The following PDGFRL variants were observed in gnomAD, a reference collection of about 807,000 sequenced individuals.
PDGFRL encodes the protein platelet-derived growth factor receptor-like protein.
Under a neutral mutation model 37.2 loss-of-function variants are expected in PDGFRL, and 46 were observed. The ratio of observed to expected loss-of-function variants is 1.24; its 90% confidence interval spans 0.98 to 1.58. The LOEUF (loss-of-function observed/expected upper bound fraction) is 1.58. Ranked by LOEUF, PDGFRL falls within the 40% of genes most tolerant of loss-of-function variation. The pLI is 0.00. For missense variants in PDGFRL, 692 were observed against 467.6 expected (o/e 1.48, Z -4.43); for synonymous variants, 251 against 184.3 (o/e 1.36, Z -2.93).
At chr8:17,627,900 A>G (rs1323068566) in intron 3 of PDGFRL, among the ~76,000 whole-genome samples, 2 of 151,688 alleles carry the variant, frequency 1.3e-5, no homozygotes, top group East Asian at 1.9e-4. Context: ...GTTAAATCTT[A>G]ATTTAAATCT....
chr8:17,582,780 A>G (rs1803734776), intron 1 of PDGFRL, among the ~76,000 whole-genome samples: 1 of 152,118 alleles, frequency 6.6e-6, no homozygotes, highest in African/African-American at 2.4e-5. Context: ...GAATCATGCT[A>G]GTAGCTAAGA....
chr8:17,629,210 G>A (rs1390829470), intron 4 of PDGFRL, among the ~76,000 whole-genome samples: 1 of 150,924 alleles, frequency 6.6e-6, no homozygotes, highest in Non-Finnish European at 1.5e-5. Context: ...GATTACAAGT[G>A]TGAGCCACCA....
At chr8:17,602,782 A>C (rs1804193816) in intron 2 of PDGFRL, among the ~76,000 whole-genome samples, 1 of 152,162 alleles carries the variant, frequency 6.6e-6, no homozygotes, top group Non-Finnish European at 1.5e-5. Context: ...AAGGTCCACT[A>C]GATGGCAGGT....
At chr8:17,627,723 G>T (rs185974508) in intron 3 of PDGFRL, among the ~76,000 whole-genome samples, 1 of 151,470 alleles carries the variant, frequency 6.6e-6, no homozygotes, top group Non-Finnish European at 1.5e-5. Context: ...AGATCCACCC[G>T]CCTCGGCCTC....
chr8:17,639,129 C>G lies in PDGFRL; in HGVS notation c.940-3484C>G, dbSNP rs772776516. ...TTGCATGGAATATCTTTTCCCAGCC[C>G]TTTACCATAAGTTTATGTTAGTCCT... On this transcript the variant is annotated intron_variant, in intron 5 of 5. Coordinates refer to ENST00000251630, the MANE Select transcript of PDGFRL (RefSeq NM_001372073.1). Among the ~76,000 whole-genome samples the G allele has an allele frequency of 1.6e-4, 25 of 152,168 alleles. No individual in the cohort carries two copies. The Middle Eastern group carries it at 0.01, about 62-fold the overall frequency.
At chr8:17,592,061 G>A (rs529124721) in intron 2 of PDGFRL, among the ~76,000 whole-genome samples, 37 of 152,244 alleles carry the variant, frequency 2.4e-4, no homozygotes, top group African/African-American at 7.7e-4. Flanking sequence ...TACCCAACCA[G>A]AAGACTGGGC....
At chr8:17,613,238 G>A (rs1804458105) in intron 2 of PDGFRL, among the ~76,000 whole-genome samples, 1 of 152,194 alleles carries the variant, frequency 6.6e-6, no homozygotes, top group Admixed American at 6.5e-5. Flanking sequence ...TTTCTGTTGG[G>A]AGGATCGCTG....
intron 2 of PDGFRL, among the ~76,000 whole-genome samples, chr8:17,602,376 G>A (rs976328852): frequency 2.0e-5 from 3 of 152,122 alleles, no homozygotes; most frequent in Non-Finnish European, 2.9e-5. Context: ...GAGGCAGAGC[G>A]GCTGCCCCAC....
intron 2 of PDGFRL, among the ~76,000 whole-genome samples, chr8:17,618,477 A>G (rs1804571545): frequency 6.6e-6 from 1 of 152,232 alleles, no homozygotes; most frequent in Non-Finnish European, 1.5e-5. Flanking sequence ...TATAATTGGG[A>G]TAACACAATG....
At chr8:17,620,640 C>T (rs186094670) in intron 2 of PDGFRL, among the ~76,000 whole-genome samples, 36 of 152,222 alleles carry the variant, frequency 2.4e-4, no homozygotes, top group Middle Eastern at 3.4e-3. Context: ...TCACGATTAA[C>T]ATTTCTATGT....
chr8:17,596,318 C>CA (rs1415654356), intron 2 of PDGFRL: 8 of 1,229,024 alleles, frequency 6.5e-6, no homozygotes, highest in Non-Finnish European at 7.2e-6. Flanking sequence ...CTCACAGGCA[C>CA]ATGGGCTGCA....
chr8:17,609,283 G>T (rs1381122376), intron 2 of PDGFRL, among the ~76,000 whole-genome samples: 1 of 151,968 alleles, frequency 6.6e-6, no homozygotes, highest in Non-Finnish European at 1.5e-5. Context: ...GAGGCTGGTG[G>T]ATCACCTGAG....
chr8:17,622,893 G>A (rs192498696), intron 3 of PDGFRL, among the ~76,000 whole-genome samples: 4 of 152,044 alleles, frequency 2.6e-5, no homozygotes. Context: ...GTCACTCCAC[G>A]TTGATTTATT....
At chr8:17,608,147 T>G (rs1329297935) in intron 2 of PDGFRL, among the ~76,000 whole-genome samples, 1 of 152,214 alleles carries the variant, frequency 6.6e-6, no homozygotes, top group Admixed American at 6.5e-5. Context: ...AGACTTTGCT[T>G]GGATTGCCTT....
intron 2 of PDGFRL, among the ~76,000 whole-genome samples, chr8:17,610,385 A>G (rs2517203): frequency 1.3e-5 from 2 of 152,184 alleles, no homozygotes; most frequent in African/African-American, 2.4e-5. Flanking sequence ...TTTTTGAGCA[A>G]TATGACATTC....
chr8:17,583,923 T>C (rs1244959243), intron 1 of PDGFRL, among the ~76,000 whole-genome samples: 3 of 152,160 alleles, frequency 2.0e-5, no homozygotes, highest in East Asian at 1.9e-4. Context: ...CCAGCAGAAC[T>C]GTGAGCTGAG....
chr8:17,622,559 G>A (rs1406113997), intron 3 of PDGFRL, among the ~76,000 whole-genome samples: 1 of 152,198 alleles, frequency 6.6e-6, no homozygotes, highest in African/African-American at 2.4e-5. Flanking sequence ...AGTAGGGTAT[G>A]CTGCAGTTCT....
intron 2 of PDGFRL, among the ~76,000 whole-genome samples, chr8:17,618,931 C>G (rs1804580615): frequency 6.6e-6 from 1 of 152,042 alleles, no homozygotes; most frequent in Non-Finnish European, 1.5e-5. Flanking sequence ...TAGAAGCTTC[C>G]TGAAGGAGGA....
chr8:17,592,510 A>G (rs2588149), intron 2 of PDGFRL, among the ~76,000 whole-genome samples: 127,344 of 152,054 alleles, frequency 0.84, 55,595 homozygotes, highest in Non-Finnish European at 0.96. Context: ...ATGGCAGTGA[A>G]GCCCTCGCTG....
Sources: allele counts gnomAD v4.1 joint callset (sites outside exome capture counted in the v4.1 genomes callset), GRCh38; gene constraint gnomAD v4.1.1; transcripts MANE v1.5; gene names NCBI Gene and HGNC (gene_info 2026-07-23, HGNC 2026-07-21).